Variants in NRF1 observed in about 807,000 individuals in gnomAD.
The protein encoded by NRF1 is alpha palindromic-binding protein.
A neutral mutation model predicts 58.5 loss-of-function variants in NRF1; 5 were observed. The observed-to-expected ratio is 0.09, with a 90% CI of 0.04 to 0.18. The LOEUF (loss-of-function observed/expected upper bound fraction) is 0.18. Ranked by LOEUF, NRF1 falls within the 10% of genes least tolerant of loss-of-function variation. NRF1 has a pLI of 1.00. For synonymous variants in NRF1, 224 were observed against 246.7 expected, an observed-to-expected ratio of 0.91 and a Z score of 0.86; for missense variants, 288 against 657.7, an observed-to-expected ratio of 0.44 and a Z score of 6.15.
chr7:129,719,656 G>A (rs770784821), intron 9 of NRF1, among the ~76,000 whole-genome samples: 4 of 139,174 alleles, frequency 2.9e-5, no homozygotes, highest in East Asian at 4.4e-4. Context: ...CCCCACTCAC[G>A]TATATACTCA....
At chr7:129,634,930 T>G (rs893718085) in intron 1 of NRF1, among the ~76,000 whole-genome samples, 1 of 152,224 alleles carries the variant, frequency 6.6e-6, no homozygotes, top group African/African-American at 2.4e-5. Context: ...ACCAGCTGGT[T>G]GTACTTCGCT....
At position 129,719,461 on chromosome 7, in the gene NRF1, C is replaced by T. The variant is rs186902261; in HGVS notation, c.1223+2085C>T. ...TGATTTCATTTTAAAAGAAGTATGG[C>T]CAGAGATTGGTGGTTGATTAGGAAT... On this transcript the variant is annotated intron_variant, in intron 9 of 10. Coordinates refer to ENST00000393232, the MANE Select transcript of NRF1 (RefSeq NM_005011.5). Among the ~76,000 whole-genome samples, 68 of 146,582 alleles carry T rather than the reference C, an allele frequency of 4.6e-4. 1 individual carries two copies. In the Middle Eastern group the frequency reaches 0.011, roughly 23 times the overall value.
intron 1 of NRF1, among the ~76,000 whole-genome samples, chr7:129,635,123 A>T (rs1313443076): frequency 1.3e-5 from 2 of 152,176 alleles, no homozygotes; most frequent in African/African-American, 4.8e-5. Flanking sequence ...CAGGGTCTCT[A>T]GGCGGTTGGG....
intron 8 of NRF1, among the ~76,000 whole-genome samples, chr7:129,716,077 A>G (rs1203985784): frequency 1.3e-5 from 2 of 152,110 alleles, no homozygotes; most frequent in Non-Finnish European, 2.9e-5. Context: ...GTAGTTTTAT[A>G]TGTTCCAAAA....
intron 10 of NRF1, among the ~76,000 whole-genome samples, chr7:129,731,580 G>A (rs568017386): frequency 6.6e-6 from 1 of 152,050 alleles, no homozygotes; most frequent in East Asian, 1.9e-4. Flanking sequence ...CCTAAGGCTG[G>A]TGAAGGCTAC....
Position 129,717,263 on chromosome 7 carries a change from C to G in NRF1, c.1110C>G (p.Ile370Met), listed in dbSNP as rs1803214710. ...CGTTACAGGGAGGTGAGATGACCATCCAGACGACGCAAGCATCAGAGGCCA... is the reference window on the plus strand; with the variant it reads ...CGTTACAGGGAGGTGAGATGACCATGCAGACGACGCAAGCATCAGAGGCCA... ...WATLQGGEMT[I>M]QTTQASEATQ... Residue 370 changes from isoleucine to methionine, a missense_variant, in exon 9 of 11, where the codon ATC becomes ATG. Physicochemically the swap from Ile to Met is conservative, Grantham distance 10. Coordinates refer to ENST00000393232, the MANE Select transcript of NRF1 (RefSeq NM_005011.5). 2 of 1,613,800 alleles carry G rather than the reference C, an allele frequency of 1.2e-6. No homozygotes were observed. The highest frequency in any genetic ancestry group is 1.7e-6 in the Non-Finnish European group (2 of 1,179,878).
chr7:129,613,482 C>T (rs953054382), intron 1 of NRF1, among the ~76,000 whole-genome samples: 87 of 151,874 alleles, frequency 5.7e-4, no homozygotes, highest in African/African-American at 1.8e-3. Context: ...AATATTTATT[C>T]TTAACTTGGA....
chr7:129,631,185 A>T (rs968607057), intron 1 of NRF1, among the ~76,000 whole-genome samples: 1 of 152,050 alleles, frequency 6.6e-6, no homozygotes, highest in Non-Finnish European at 1.5e-5. Flanking sequence ...AGACCCAGGG[A>T]CATCTTAACA....
chr7:129,691,042 A>G (rs1802555201), intron 5 of NRF1, among the ~76,000 whole-genome samples: 1 of 152,002 alleles, frequency 6.6e-6, no homozygotes, highest in Non-Finnish European at 1.5e-5. Flanking sequence ...CTTCCTTTTT[A>G]AAATTTTTAT....
At chr7:129,723,746 T>G (rs1469038094) in intron 9 of NRF1, among the ~76,000 whole-genome samples, 1 of 152,240 alleles carries the variant, frequency 6.6e-6, no homozygotes, top group East Asian at 1.9e-4. Flanking sequence ...TTCTAAGCTC[T>G]CAATTTTATT....
chr7:129,670,483 A>G (rs966617500), intron 2 of NRF1, among the ~76,000 whole-genome samples: 1 of 152,216 alleles, frequency 6.6e-6, no homozygotes, highest in Non-Finnish European at 1.5e-5. Flanking sequence ...GGCTGATTAT[A>G]TTACTAACAA....
intron 5 of NRF1, among the ~76,000 whole-genome samples, chr7:129,699,796 G>T (rs1354486166): frequency 6.6e-6 from 1 of 151,770 alleles, no homozygotes; most frequent in African/African-American, 2.4e-5. Context: ...TAGAAGTCAG[G>T]AGTTATCGTT....
chr7:129,733,158 T>C (rs1803622985), intron 10 of NRF1, among the ~76,000 whole-genome samples: 1 of 152,054 alleles, frequency 6.6e-6, no homozygotes, highest in Non-Finnish European at 1.5e-5. Context: ...TTATACTGAT[T>C]TTAAAGTTCA....
At chr7:129,677,564 T>A (rs1802212553) in intron 3 of NRF1, 68 bp from the exon 4 acceptor site, 12 of 1,442,424 alleles carry the variant, frequency 8.3e-6, no homozygotes, top group Non-Finnish European at 1.2e-5. Flanking sequence ...CTTACCTCAT[T>A]TGTGTCTATG....
intron 1 of NRF1, among the ~76,000 whole-genome samples, chr7:129,619,433 T>TATATATACAC (rs1554401492): frequency 3.0e-5 from 2 of 65,874 alleles, no homozygotes; most frequent in African/African-American, 1.6e-4. Context: ...TATATATATA[T>TATATATACAC]ACACACACAC....
intron 5 of NRF1, among the ~76,000 whole-genome samples, chr7:129,704,042 TC>T (rs1320670585): frequency 6.6e-6 from 1 of 151,494 alleles, no homozygotes; most frequent in African/African-American, 2.4e-5. Context: ...TGCTTGTACA[TC>T]CCCCCACCCC....
chr7:129,717,099 T>G (rs12154342), intron 8 of NRF1, 120 bp from the exon 9 acceptor site: 320,614 of 901,746 alleles, frequency 0.36, 62,699 homozygotes, highest in Non-Finnish European at 0.41. Flanking sequence ...ATATTGCAGG[T>G]CATGTTAATT....
At chr7:129,701,274 TC>T (rs1802818508) in intron 5 of NRF1, among the ~76,000 whole-genome samples, 1 of 151,918 alleles carries the variant, frequency 6.6e-6, no homozygotes, top group South Asian at 2.1e-4. Flanking sequence ...AGAAAACATT[TC>T]CCCCATATCA....
intron 2 of NRF1, among the ~76,000 whole-genome samples, chr7:129,663,586 G>T (rs1040877834): frequency 6.7e-6 from 1 of 148,652 alleles, no homozygotes; most frequent in Non-Finnish European, 1.5e-5. Flanking sequence ...AGGCAGAGAC[G>T]CTCCTCACTT....
Sources: allele counts gnomAD v4.1 joint callset (sites outside exome capture counted in the v4.1 genomes callset), GRCh38; gene constraint gnomAD v4.1.1; transcripts MANE v1.5; gene names NCBI Gene and HGNC (gene_info 2026-07-23, HGNC 2026-07-21).